Variants in GBF1 observed in about 807,000 individuals in gnomAD.
GBF1 encodes the protein Golgi-specific brefeldin A-resistance guanine nucleotide exchange factor 1.
Under a neutral mutation model 210.5 loss-of-function variants are expected in GBF1, and 114 were observed. That is an observed-to-expected ratio of 0.54 (90% CI 0.47 to 0.63). The LOEUF (loss-of-function observed/expected upper bound fraction) is 0.63. GBF1 is among the 30% of genes least tolerant of loss of function. The pLI, the probability that GBF1 is intolerant of heterozygous loss-of-function variation, is 0.00. For synonymous variants in GBF1, 850 were observed against 889.2 expected (o/e 0.96, Z 0.78); for missense variants, 1,851 against 2,357.7 (o/e 0.79, Z 4.45).
intron 3 of GBF1, among the ~76,000 whole-genome samples, chr10:102,341,150 A>T (rs2058155787): frequency 6.6e-6 from 1 of 152,260 alleles, no homozygotes; most frequent in Admixed American, 6.5e-5. Context: ...AAAAGACTTG[A>T]GCAGACATGT....
intron 3 of GBF1, among the ~76,000 whole-genome samples, chr10:102,324,222 C>T (rs942008332): frequency 1.3e-5 from 2 of 152,124 alleles, no homozygotes; most frequent in African/African-American, 4.8e-5. Context: ...CATAAAGGAT[C>T]GGGGCAGGGC....
chr10:102,245,341 C>T (rs1307480386), upstream of GBF1, among the ~76,000 whole-genome samples: 1 of 152,196 alleles, frequency 6.6e-6, no homozygotes, highest in Non-Finnish European at 1.5e-5. Flanking sequence ...GTACTCGTAT[C>T]CGTTGGTTGT....
intron 3 of GBF1, among the ~76,000 whole-genome samples, chr10:102,265,775 C>T (rs1044338678): frequency 3.9e-5 from 6 of 152,122 alleles, no homozygotes; most frequent in African/African-American, 1.4e-4. Flanking sequence ...TACTTTAAAG[C>T]CTTCAGGGCC....
At chr10:102,285,750 G>C (rs1010812880) in intron 3 of GBF1, among the ~76,000 whole-genome samples, 1 of 152,168 alleles carries the variant, frequency 6.6e-6, no homozygotes, top group African/African-American at 2.4e-5. Context: ...AACTGGTACA[G>C]AAATCTAGGA....
At chr10:102,370,093 G>C (rs1387564243) in intron 26 of GBF1, 81 bp from the exon 27 acceptor site, 3 of 1,518,264 alleles carry the variant, frequency 2.0e-6, no homozygotes, top group Non-Finnish European at 2.7e-6. Flanking sequence ...GGCTGACTCT[G>C]CCCTCTCCCC....
rs869198412 is a variant in GBF1, at chr10:102,331,851, ATTTTTTTTTTTT to A, written c.164-12185_164-12174del. Among the ~76,000 whole-genome samples, 5 of 85,344 alleles carry A rather than the reference ATTTTTTTTTTTT, an allele frequency of 5.9e-5. No individual in the cohort carries two copies. In the East Asian group the frequency reaches 1.5e-3, roughly 25 times the overall value. The allele number at this position is 85,344 out of a possible 152,430, so 56.0% of individuals were successfully genotyped here. A position where few individuals can be genotyped will look rare whatever the true frequency, so the allele number is the denominator to read the frequency against. ...AGGCGCACGCCACCATACCTGGCTAATTTTTTTTTTTTTTTTTTTTTTTTTTGAGACAGCGTC... is the reference window on the plus strand; with the variant it reads ...AGGCGCACGCCACCATACCTGGCTAATTTTTTTTTTTTTTGAGACAGCGTC... On this transcript the variant is annotated intron_variant, in intron 3 of 39. Transcript: ENST00000369983.
At chr10:102,343,380 C>T (rs1343807006) in intron 3 of GBF1, among the ~76,000 whole-genome samples, 1 of 152,144 alleles carries the variant, frequency 6.6e-6, no homozygotes, top group East Asian at 1.9e-4. Flanking sequence ...CTATTTATAT[C>T]ACAGGGGAGG....
intron 20 of GBF1, 99 bp from the exon 21 acceptor site, chr10:102,367,379 T>C: frequency 8.7e-7 from 1 of 1,144,552 alleles, no homozygotes; most frequent in Non-Finnish European, 1.3e-6. Context: ...GTTTTTTCGC[T>C]TACCTTTTCC....
intron 1 of GBF1, among the ~76,000 whole-genome samples, chr10:102,258,596 AC>A (rs1438370085): frequency 6.7e-6 from 1 of 149,952 alleles, no homozygotes; most frequent in African/African-American, 2.4e-5. Flanking sequence ...ACACAGAGAA[AC>A]CCCGTCTCTT....
intron 3 of GBF1, among the ~76,000 whole-genome samples, chr10:102,285,024 A>G (rs905031965): frequency 1.3e-5 from 2 of 152,204 alleles, no homozygotes; most frequent in African/African-American, 4.8e-5. Context: ...ATCTTCTGAC[A>G]TGCTTCTCTC....
At position 102,361,878 on chromosome 10, in the gene GBF1, A is replaced by T. The variant is rs748878816; in HGVS notation, c.1652A>T (p.Asn551Ile). 5.6e-6 allele frequency: 9 copies of T among 1,610,182 alleles called. No individual in the cohort carries two copies. The East Asian group carries it at 1.3e-4, about 24-fold the overall frequency. The part of the protein sequence containing the change: ...INYDCDYYCS[N>I]LFEELTKLLS... ...TATGATTGTGACTACTACTGTTCCA[A>T]CCTCTTTGAGGAACTCACAAAGCTG... Residue 551 changes from asparagine to isoleucine, a missense_variant, in exon 14 of 40, where the codon AAC becomes ATC. Asn to Ile is a moderately radical substitution (Grantham distance 149). Coordinates refer to ENST00000369983, the MANE Select transcript of GBF1 (RefSeq NM_001377137.1).
At chr10:102,294,293 C>G (rs942303797) in intron 3 of GBF1, among the ~76,000 whole-genome samples, 6 of 152,142 alleles carry the variant, frequency 3.9e-5, no homozygotes, top group African/African-American at 1.4e-4. Flanking sequence ...TCACTATTCA[C>G]TCACTGACTT....
upstream of GBF1, among the ~76,000 whole-genome samples, chr10:102,244,607 C>T (rs776524122): frequency 4.6e-5 from 7 of 152,172 alleles, no homozygotes; most frequent in Non-Finnish European, 7.3e-5. Flanking sequence ...TGTTTCCTAT[C>T]ACTGATGAGG....
At chr10:102,281,537 A>G (rs1472275957) in intron 3 of GBF1, among the ~76,000 whole-genome samples, 1 of 149,788 alleles carries the variant, frequency 6.7e-6, no homozygotes, top group African/African-American at 2.4e-5. Context: ...TAATCTATAA[A>G]TTATATTTTT....
intron 3 of GBF1, among the ~76,000 whole-genome samples, chr10:102,317,667 C>G (rs182969165): frequency 8.0e-4 from 122 of 152,218 alleles, no homozygotes; most frequent in Admixed American, 4.4e-3. Flanking sequence ...CCTCCATAGT[C>G]CAATCACCTA....
At chr10:102,348,656 G>A (rs2058738646) in intron 4 of GBF1, among the ~76,000 whole-genome samples, 1 of 152,116 alleles carries the variant, frequency 6.6e-6, no homozygotes, top group Admixed American at 6.6e-5. Flanking sequence ...AGGAGGAGCT[G>A]GGTCACCCCA....
At position 102,379,944 on chromosome 10, in the gene GBF1, T is replaced by C; in HGVS notation, c.4868T>C (p.Leu1623Ser). 1 of 1,605,062 alleles carries C rather than the reference T, an allele frequency of 6.2e-7. No individual in the cohort carries two copies. Among genetic ancestry groups the C allele is most frequent in the Non-Finnish European group, 8.5e-7 (1 of 1,172,386 alleles). ...MEETRMRAST[L>S]LSKVFLQHLS... ...GAGACCCGGATGAGGGCTTCCACAT[T>C]GCTCTCTAAGGTACTGCTCACCACC... The change falls in exon 36 of 40, where the codon TTG (leucine) becomes TCG (serine). Residue 1623 changes from leucine to serine, a missense_variant. Leu to Ser is a moderately radical substitution (Grantham distance 145). This residue lies in a region of GBF1 where 967 missense variants were observed against 1,247.7 expected (regional missense o/e 0.78). Coordinates refer to ENST00000369983, the MANE Select transcript of GBF1 (RefSeq NM_001377137.1).
chr10:102,255,815 C>T (rs889984791), intron 1 of GBF1, among the ~76,000 whole-genome samples: 4 of 152,160 alleles, frequency 2.6e-5, no homozygotes, highest in East Asian at 1.9e-4. Flanking sequence ...CAGAAGAGAA[C>T]GTTGTTGTGT....
At chr10:102,324,106 T>G (rs970362796) in intron 3 of GBF1, among the ~76,000 whole-genome samples, 1 of 152,208 alleles carries the variant, frequency 6.6e-6, no homozygotes, top group Non-Finnish European at 1.5e-5. Context: ...TACCCTGGAT[T>G]TGCTAACCTC....
Sources: allele counts gnomAD v4.1 joint callset (sites outside exome capture counted in the v4.1 genomes callset), GRCh38; gene constraint gnomAD v4.1.1; regional missense constraint gnomAD v4.1.1; transcripts MANE v1.5; gene names NCBI Gene and HGNC (gene_info 2026-07-23, HGNC 2026-07-21).